Variants in UBXN10 observed in about 807,000 individuals in gnomAD.
UBXN10 encodes the protein UBX domain protein 10.
A neutral mutation model predicts 6.9 loss-of-function variants in UBXN10; 6 were observed. That is an observed-to-expected ratio of 0.87 (90% CI 0.48 to 1.72). The LOEUF (loss-of-function observed/expected upper bound fraction) is 1.72, where lower values mean the gene tolerates loss of function less well. UBXN10 is among the 40% of genes most tolerant of loss of function. UBXN10 has a pLI of 0.01. For missense variants in UBXN10, 317 were observed against 348.4 expected, an observed-to-expected ratio of 0.91 and a Z score of 0.72; for synonymous variants, 131 against 135.2, an observed-to-expected ratio of 0.97 and a Z score of 0.21.
upstream of UBXN10, among the ~76,000 whole-genome samples, chr1:20,183,920 C>T (rs2100727704): frequency 6.6e-6 from 1 of 152,342 alleles, no homozygotes; most frequent in Non-Finnish European, 1.5e-5. Context: ...CCCATGTTTA[C>T]TGAGATCCAC....
At chr1:20,190,475 A>G (rs2100734900) in intron 1 of UBXN10, 72 bp from the exon 2 acceptor site, 1 of 1,505,026 alleles carries the variant, frequency 6.6e-7, no homozygotes, top group East Asian at 2.3e-5. Flanking sequence ...GCACTCAGGG[A>G]GGGAATGGCT....
intron 1 of UBXN10, among the ~76,000 whole-genome samples, chr1:20,186,890 G>C (rs757270363): frequency 2.6e-5 from 4 of 152,026 alleles, no homozygotes; most frequent in Non-Finnish European, 4.4e-5. Flanking sequence ...AGCCTGGTGG[G>C]GGTGTGGGTT....
Position 20,191,112 on chromosome 1 carries a change from C to T in UBXN10, c.551C>T (p.Ser184Phe), listed in dbSNP as rs771804047. The change falls in exon 2 of 2, where the codon TCC (serine) becomes TTC (phenylalanine). Residue 184 changes from serine to phenylalanine, a missense_variant. By Grantham distance (155) the Ser-to-Phe change is radical. Coordinates refer to ENST00000375099, the MANE Select transcript of UBXN10 (RefSeq NM_152376.5). This position sits in a 1 kb window ranked among gnomAD's most constrained non-coding sequence, Gnocchi z 4.5. ...GTCCGAACCAAGAAACAGGGCTCTTCCAGGGCTGGAAATCTGGAGGAACCA... is the reference window on the plus strand; with the variant it reads ...GTCCGAACCAAGAAACAGGGCTCTTTCAGGGCTGGAAATCTGGAGGAACCA... ...FIVRTKKQGS[S>F]RAGNLEEPSD... The T allele has an allele frequency of 6.2e-6, 10 of 1,614,156 alleles. No homozygotes were observed. The Admixed American group carries it at 1.3e-4, about 22-fold the overall frequency.
intron 1 of UBXN10, 58 bp from the exon 2 acceptor site, chr1:20,190,489 A>T: frequency 6.5e-7 from 1 of 1,534,356 alleles, no homozygotes; most frequent in African/African-American, 1.4e-5. Flanking sequence ...AATGGCTTGG[A>T]TCTAGGAGTC....
rs527862340 is a variant in UBXN10 at position 20,189,759 on chromosome 1, A to AGAAAAG, written c.-15-788_-15-787insGAAAAG. On this transcript the variant is annotated intron_variant, in intron 1 of 1. Coordinates refer to ENST00000375099, the MANE Select transcript of UBXN10 (RefSeq NM_152376.5). ...GAAAAAGAAAAAAAGAAAAAGAAAAAAAGAAATGTGAGCAGCTAGCAGACA... is the reference window on the plus strand; with the variant it reads ...GAAAAAGAAAAAAAGAAAAAGAAAAAGAAAAGAAGAAATGTGAGCAGCTAGCAGACA... Among the ~76,000 whole-genome samples, 16 of 152,268 alleles carry AGAAAAG rather than the reference A, an allele frequency of 1.1e-4. No homozygotes were observed. The South Asian group carries it at 3.1e-3, about 30-fold the overall frequency.
In UBXN10 at chr1:20,187,937, G is replaced by A. The variant is rs1375299849; in HGVS notation, c.-16+1784G>A. Among the ~76,000 whole-genome samples, 1 of 152,200 alleles carries A rather than the reference G, an allele frequency of 6.6e-6. No individual in the cohort carries two copies. The highest frequency in any genetic ancestry group is 2.4e-5 in the African/African-American group (1 of 41,446). ...ACAGTTAAACCTTCCTGAGGCATGT[G>A]TGGGTGTTGGAAGCCAAGCCTGTGA... On this transcript the variant is annotated intron_variant, in intron 1 of 1. Coordinates refer to ENST00000375099, the MANE Select transcript of UBXN10 (RefSeq NM_152376.5). The surrounding 1 kb of genome is among the most constrained non-coding windows in gnomAD (Gnocchi z 4.6).
rs114502442 is a variant in UBXN10 at position 20,186,652 on chromosome 1, A to C, written c.-16+499A>C. On this transcript the variant is annotated intron_variant, in intron 1 of 1. Coordinates refer to ENST00000375099, the MANE Select transcript of UBXN10 (RefSeq NM_152376.5). Reference sequence around the variant, plus strand: ...TTCTAGGGCGCTGGAACTTGGACTTAATTGAGTTATCCCCACCACCTCCCT... The same window carrying C: ...TTCTAGGGCGCTGGAACTTGGACTTCATTGAGTTATCCCCACCACCTCCCT... Among the ~76,000 whole-genome samples, 255 of 152,228 alleles carry C rather than the reference A, an allele frequency of 1.7e-3. 1 individual carries two copies. The highest frequency in any genetic ancestry group is 5.7e-3 in the African/African-American group (236 of 41,530).
Position 20,190,997 on chromosome 1 carries a change from C to T in UBXN10, c.436C>T (p.Arg146Trp), listed in dbSNP as rs371858310. Reference sequence around the variant, plus strand: ...CAGCTCACTGCAACTGAGCAGTATCCGGGCTCTTTACCAAGACGAGACGGG... The same window carrying T: ...CAGCTCACTGCAACTGAGCAGTATCTGGGCTCTTTACCAAGACGAGACGGG... ...KASSLQLSSI[R>W]ALYQDETGTM... is the part of the protein sequence containing the mutation. The change falls in exon 2 of 2, where the codon CGG (arginine) becomes TGG (tryptophan). Residue 146 changes from arginine to tryptophan, a missense_variant. By Grantham distance (101) the Arg-to-Trp change is moderately radical. Transcript: ENST00000375099. 1.2e-5 allele frequency: 19 copies of T among 1,613,960 alleles called. No individual in the cohort carries two copies. The highest frequency in any genetic ancestry group is 4.0e-5 in the African/African-American group (3 of 74,874).
chr1:20,195,427 G>C lies in UBXN10; in HGVS notation c.*4023G>C, dbSNP rs933047202. The stretch of plus-strand genomic sequence containing the variant: ...ACTTGAGTGCTGGAGGTATGAAGGT[G>C]ACCAGAGAGAGGTGATGGTGGTTCG... On this transcript the variant is annotated 3_prime_UTR_variant, in exon 2 of 2. Coordinates refer to ENST00000375099, the MANE Select transcript of UBXN10 (RefSeq NM_152376.5). 3 of 167,538 alleles carry C rather than the reference G, an allele frequency of 1.8e-5. No homozygotes were observed. Among genetic ancestry groups the C allele is most frequent in the African/African-American group, 7.2e-5 (3 of 41,474 alleles). 10.4% of individuals were successfully genotyped at this position (167,538 alleles called of 1,614,324 possible). A position where few individuals can be genotyped will look rare whatever the true frequency, so the allele number is the denominator to read the frequency against.
At position 20,193,996 on chromosome 1, in the gene UBXN10, CTT is replaced by C. The variant is rs1236279168; in HGVS notation, c.*2594_*2595del. 1 of 167,078 alleles carries C rather than the reference CTT, an allele frequency of 6.0e-6. No individual in the cohort carries two copies. The highest frequency in any genetic ancestry group is 1.5e-5 in the Non-Finnish European group (1 of 68,132). 10.3% of individuals were successfully genotyped at this position (167,078 alleles called of 1,614,324 possible). On this transcript the variant is annotated 3_prime_UTR_variant, in exon 2 of 2. Coordinates refer to ENST00000375099, the MANE Select transcript of UBXN10 (RefSeq NM_152376.5). ...CATTGAGGGCTTACCCAGTGCCACA[CTT>C]TGAGACAAGCATGGGTGTCCTGAAA...
intron 1 of UBXN10, among the ~76,000 whole-genome samples, chr1:20,186,673 TCC>T (rs1298368229): frequency 1.3e-5 from 2 of 152,158 alleles, no homozygotes; most frequent in Non-Finnish European, 2.9e-5. Context: ...CCCCACCACC[TCC>T]CTGCCCTTCT....
Position 20,195,785 on chromosome 1 carries a change from C to T in UBXN10, c.*4381C>T, listed in dbSNP as rs2018587985. 6.0e-6 allele frequency: 1 copy of T among 167,102 alleles called. No individual in the cohort carries two copies. 10.4% of individuals were successfully genotyped at this position (167,102 alleles called of 1,614,324 possible). On this transcript the variant is annotated 3_prime_UTR_variant, in exon 2 of 2. Coordinates refer to ENST00000375099, the MANE Select transcript of UBXN10 (RefSeq NM_152376.5). ...AGAGATAAAACTAAGGTCACTGTTT[C>T]ACTTAATGTTGAGATATAAGTTAAA... is the stretch of plus-strand genomic sequence containing the variant.
rs2018554132 is a variant in UBXN10, at chr1:20,193,716, GC to G, written c.*2313del. 6.0e-6 allele frequency: 1 copy of G among 167,076 alleles called. No homozygotes were observed. The highest frequency in any genetic ancestry group is 1.5e-5 in the Non-Finnish European group (1 of 68,132). 10.3% of individuals were successfully genotyped at this position (167,076 alleles called of 1,614,324 possible). A position where few individuals can be genotyped will look rare whatever the true frequency, so the allele number is the denominator to read the frequency against. On this transcript the variant is annotated 3_prime_UTR_variant, in exon 2 of 2. Coordinates refer to ENST00000375099, the MANE Select transcript of UBXN10 (RefSeq NM_152376.5). ...GCTCCTGCTCTCAGCTTCTGTCACA[GC>G]ACTTAGCTTGTCTGGATAAGAGTCA...
rs927875039 is a variant in UBXN10 at position 20,192,778 on chromosome 1, A to T, written c.*1374A>T. ...AATCAGGAGTTCCAGAAGCATATACATGTGGCTACCCCAGCAACAAGCGCA... is the reference window on the plus strand; with the variant it reads ...AATCAGGAGTTCCAGAAGCATATACTTGTGGCTACCCCAGCAACAAGCGCA... On this transcript the variant is annotated 3_prime_UTR_variant, in exon 2 of 2. Transcript: ENST00000375099. The T allele has an allele frequency of 6.0e-6, 1 of 167,020 alleles. No individual in the cohort carries two copies. Among genetic ancestry groups the T allele is most frequent in the Non-Finnish European group, 1.5e-5 (1 of 68,120 alleles). 10.3% of individuals were successfully genotyped at this position (167,020 alleles called of 1,614,324 possible).
chr1:20,193,505 G>A lies in UBXN10; in HGVS notation c.*2101G>A, dbSNP rs540129177. On this transcript the variant is annotated 3_prime_UTR_variant, in exon 2 of 2. Coordinates refer to ENST00000375099, the MANE Select transcript of UBXN10 (RefSeq NM_152376.5). Reference sequence around the variant, plus strand: ...GATGATACGATAAAAACCAACTTGTGTGAAACTGAGTCAGTGGAGAAGTGC... The same window carrying A: ...GATGATACGATAAAAACCAACTTGTATGAAACTGAGTCAGTGGAGAAGTGC... The A allele has an allele frequency of 6.0e-6, 1 of 167,086 alleles. No individual in the cohort carries two copies. The highest frequency in any genetic ancestry group is 2.1e-4 in the South Asian group (1 of 4,814). The allele number at this position is 167,086 out of a possible 1,614,324, so 10.4% of individuals were successfully genotyped here.
chr1:20,184,833 A>C (rs532636403), upstream of UBXN10, among the ~76,000 whole-genome samples: 12 of 152,250 alleles, frequency 7.9e-5, no homozygotes, highest in African/African-American at 2.9e-4. Flanking sequence ...TTTCGCAAGC[A>C]AAACAACGTT....
Position 20,195,357 on chromosome 1 carries a change from C to G in UBXN10, c.*3953C>G. 1 of 167,464 alleles carries G rather than the reference C, an allele frequency of 6.0e-6. No individual in the cohort carries two copies. The allele number at this position is 167,464 out of a possible 1,614,324, so 10.4% of individuals were successfully genotyped here. On this transcript the variant is annotated 3_prime_UTR_variant, in exon 2 of 2. Transcript: ENST00000375099. ...TCATTCAGACTGTCCTGCTCAGAGG[C>G]GCCCTCTGGCTGCCGTGTTGAGGGG...
At position 20,190,695 on chromosome 1, in the gene UBXN10, G is replaced by A. The variant is rs779406109; in HGVS notation, c.134G>A (p.Arg45Gln). The A allele has an allele frequency of 9.9e-6, 16 of 1,614,018 alleles. No individual in the cohort carries two copies. The highest frequency in any genetic ancestry group is 6.7e-5 in the Admixed American group (4 of 60,010). ...HMIRPKSAKG[R>Q]TRPSLQKSQG... The stretch of plus-strand genomic sequence containing the variant: ...ATAAGGCCCAAGTCCGCCAAGGGAC[G>A]GACAAGACCGAGTCTGCAGAAATCC... Residue 45 changes from arginine (R) to glutamine (Q), a missense_variant, in exon 2 of 2, where the codon CGG becomes CAG. Transcript: ENST00000375099.
At position 20,191,426 on chromosome 1, in the gene UBXN10, G is replaced by A. The variant is rs777119889; in HGVS notation, c.*22G>A. On this transcript the variant is annotated 3_prime_UTR_variant, in exon 2 of 2. Coordinates refer to ENST00000375099, the MANE Select transcript of UBXN10 (RefSeq NM_152376.5). The surrounding 1 kb of genome is among the most constrained non-coding windows in gnomAD (Gnocchi z 4.5). ...CTGAGTCCACAGCCACCCAGCTGAGGTCCTGGGTCTCTGAGCAAAGGAGCA... is the reference window on the plus strand; with the variant it reads ...CTGAGTCCACAGCCACCCAGCTGAGATCCTGGGTCTCTGAGCAAAGGAGCA... 5 of 1,594,732 alleles carry A rather than the reference G, an allele frequency of 3.1e-6. 1 individual carries two copies. In the South Asian group the frequency reaches 5.7e-5, roughly 18 times the overall value.
Sources: gnomAD v4.1 joint callset for allele counts (sites outside exome capture counted in the v4.1 genomes callset) on GRCh38, gnomAD v4.1.1 for gene constraint, Gnocchi (gnomAD v3.1) non-coding constraint, MANE v1.5 for transcripts, NCBI Gene and HGNC (gene_info 2026-07-23, HGNC 2026-07-21) for gene names.